The following ITGA11 variants were observed in gnomAD, a reference collection of about 807,000 sequenced individuals.
The protein encoded by ITGA11 is integrin subunit alpha 11.
ITGA11 carries 97 observed loss-of-function variants against 141.9 expected under a neutral mutation model. The observed-to-expected ratio is 0.68, with a 90% CI of 0.58 to 0.81. ITGA11 has a LOEUF of 0.81. Among genes scored for constraint, ITGA11 ranks in the 30% least tolerant of loss-of-function variants. The pLI, the probability that ITGA11 is intolerant of heterozygous loss-of-function variation, is 0.00. For synonymous variants in ITGA11, 658 were observed against 624.6 expected, an observed-to-expected ratio of 1.05 and a Z score of -0.80; for missense variants, 1,387 against 1,559.2, an observed-to-expected ratio of 0.89 and a Z score of 1.86.
chr15:68,332,296 T>G, intron 13 of ITGA11, 42 bp downstream of exon 13: 1 of 1,572,624 alleles, frequency 6.4e-7, no homozygotes, highest in Non-Finnish European at 8.6e-7. Context: ...AAGCAGAGGT[T>G]GGGGGCACCT....
Position 68,358,470 on chromosome 15 carries a change from T to C in ITGA11, c.588A>G (p.Pro196=). The C allele has an allele frequency of 6.2e-7, 1 of 1,611,034 alleles. No homozygotes were observed. The change falls in exon 6 of 30, where the codon CCA becomes CCG. Residue 196 remains proline, a synonymous_variant. Coordinates refer to ENST00000315757, the MANE Select transcript of ITGA11 (RefSeq NM_001004439.2). ...AAGAGATGCTCACCTGGATCTGCCC[T>C]GGGCCAATGTAAAACTTTTTCAGGA... ...INILKKFYIG[P]GQIQVGVVQY... is the part of the protein sequence containing the mutation.
intron 1 of ITGA11, among the ~76,000 whole-genome samples, chr15:68,428,760 C>T (rs1206446675): frequency 3.3e-5 from 5 of 152,140 alleles, no homozygotes; most frequent in Admixed American, 3.3e-4. Flanking sequence ...GACCCCTACC[C>T]ACAAGGGCCA....
chr15:68,339,506 A>G lies in ITGA11; in HGVS notation c.1270T>C (p.Tyr424His). 6.2e-7 allele frequency: 1 copy of G among 1,612,970 alleles called. No individual in the cohort carries two copies. The highest frequency in any genetic ancestry group is 2.2e-5 in the East Asian group (1 of 44,856). ...CCTCACTCTGCGCTCTTACCCAGGT[A>G]TGCACCATGGTTCTTGAGCTCCTCG... ...FPEELKNHGAYLGYTVTSVVS... is the reference protein window; with the variant it reads ...FPEELKNHGAHLGYTVTSVVS... Residue 424 changes from tyrosine to histidine, a missense_variant, in exon 11 of 30, where the codon TAC becomes CAC. Coordinates refer to ENST00000315757, the MANE Select transcript of ITGA11 (RefSeq NM_001004439.2).
chr15:68,430,560 A>C (rs2140449202), intron 1 of ITGA11, among the ~76,000 whole-genome samples: 1 of 152,232 alleles, frequency 6.6e-6, no homozygotes, highest in East Asian at 1.9e-4. Flanking sequence ...GCAGCCACCT[A>C]TCTGGAGTCA....
rs1317957947 is a variant in ITGA11 at position 68,311,415 on chromosome 15, G to C, written c.2974-12C>G. On this transcript the variant is annotated splice_polypyrimidine_tract_variant and intron_variant, in intron 24 of 29. Coordinates refer to ENST00000315757, the MANE Select transcript of ITGA11 (RefSeq NM_001004439.2). ...CCCAAGTTCTGGATCTGTGGCCAGA[G>C]ACAGGGAGGTGTCAGTACAGTCAGT... 7.2e-6 allele frequency: 11 copies of C among 1,521,992 alleles called. No individual in the cohort carries two copies. Among genetic ancestry groups the C allele is most frequent in the Non-Finnish European group, 9.8e-6 (11 of 1,118,888 alleles). The allele number at this position is 1,521,992 out of a possible 1,614,324, so 94.3% of individuals were successfully genotyped here.
chr15:68,369,104 G>A (rs1278920566), intron 3 of ITGA11, 80 bp downstream of exon 3: 2 of 959,366 alleles, frequency 2.1e-6, no homozygotes, highest in African/African-American at 1.6e-5. Flanking sequence ...GTGTGACCAT[G>A]GACATGGGCG....
chr15:68,335,877 C>T lies in ITGA11; in HGVS notation c.1277-32G>A, dbSNP rs372243406. ...CAGGAGGAAACAGGCTGATCTTTGG[C>T]ACCGTGTCCTCAGCAGGCGTTGCTT... On this transcript the variant is annotated intron_variant, in intron 11 of 29. Transcript: ENST00000315757. This position sits in a 1 kb window ranked among gnomAD's most constrained non-coding sequence, Gnocchi z 4.9. 1 of 1,602,850 alleles carries T rather than the reference C, an allele frequency of 6.2e-7. No individual in the cohort carries two copies. The highest frequency in any genetic ancestry group is 8.5e-7 in the Non-Finnish European group (1 of 1,174,438).
At chr15:68,414,956 T>C (rs986456263) in intron 1 of ITGA11, among the ~76,000 whole-genome samples, 1 of 152,210 alleles carries the variant, frequency 6.6e-6, no homozygotes, top group Admixed American at 6.5e-5. Context: ...TACCCTCCTG[T>C]GCTCTAGAGA....
intron 2 of ITGA11, among the ~76,000 whole-genome samples, chr15:68,387,751 G>T (rs1227276984): frequency 6.6e-6 from 1 of 152,096 alleles, no homozygotes; most frequent in Non-Finnish European, 1.5e-5. Context: ...GGCACTCCTG[G>T]CTGCTGCTTT....
At chr15:68,409,770 A>G (rs1451384772) in intron 1 of ITGA11, among the ~76,000 whole-genome samples, 3 of 152,168 alleles carry the variant, frequency 2.0e-5, no homozygotes, top group Non-Finnish European at 4.4e-5. Context: ...CAGTAAGTAT[A>G]TTATCATTCT....
chr15:68,356,995 C>A, intron 7 of ITGA11, 156 bp downstream of exon 7: 1 of 690,802 alleles, frequency 1.4e-6, no homozygotes. Flanking sequence ...AAGAGAAAAC[C>A]GACCAGCTGA....
chr15:68,390,263 C>A (rs1896084930), intron 2 of ITGA11, among the ~76,000 whole-genome samples: 1 of 152,114 alleles, frequency 6.6e-6, no homozygotes, highest in African/African-American at 2.4e-5. Flanking sequence ...ACTGCCCCAC[C>A]AGGTCTGCCC....
At chr15:68,364,333 C>T (rs1000935210) in intron 4 of ITGA11, among the ~76,000 whole-genome samples, 5 of 152,170 alleles carry the variant, frequency 3.3e-5, no homozygotes, top group Admixed American at 6.5e-5. Flanking sequence ...GAGATTTGAC[C>T]TCCAGCCCAG....
chr15:68,332,685 C>T lies in ITGA11; in HGVS notation c.1426-207G>A, dbSNP rs145570363. Among the ~76,000 whole-genome samples the T allele has an allele frequency of 1.1e-3, 170 of 152,300 alleles. 1 individual carries two copies. Among genetic ancestry groups the T allele is most frequent in the Middle Eastern group, 3.4e-3 (1 of 294 alleles). ...TTTTCAGTTTGCCCTTCTCCCCTTC[C>T]CTCTTTTCCTTCTGTCATTATCCCC... On this transcript the variant is annotated intron_variant, in intron 12 of 29. Coordinates refer to ENST00000315757, the MANE Select transcript of ITGA11 (RefSeq NM_001004439.2).
intron 10 of ITGA11, among the ~76,000 whole-genome samples, chr15:68,344,101 C>T (rs1379890774): frequency 1.3e-5 from 2 of 152,126 alleles, no homozygotes; most frequent in African/African-American, 2.4e-5. Context: ...GATATGGGGC[C>T]AGGCTTAGGA....
intron 20 of ITGA11, 21 bp from the exon 21 acceptor site, chr15:68,317,384 T>A: frequency 1.3e-6 from 2 of 1,547,544 alleles, no homozygotes; most frequent in African/African-American, 2.7e-5. Context: ...GTGGCAGACA[T>A]CATGGCAGCA....
At position 68,365,349 on chromosome 15, in the gene ITGA11, C is replaced by T. The variant is rs1048572659; in HGVS notation, c.266-551G>A. 5 of 986,644 alleles carry T rather than the reference C, an allele frequency of 5.1e-6. No individual in the cohort carries two copies. The African/African-American group carries it at 8.7e-5, about 17-fold the overall frequency. The allele number at this position is 986,644 out of a possible 1,614,324, so 61.1% of individuals were successfully genotyped here. A position where few individuals can be genotyped will look rare whatever the true frequency, so the allele number is the denominator to read the frequency against. ...GCCTTCCAGAGCTGCCAGGCCTTGC[C>T]CAGGAATGCCATTCTGAAGGAGGCT... is the stretch of plus-strand genomic sequence containing the variant. On this transcript the variant is annotated intron_variant, in intron 3 of 29. Transcript: ENST00000315757.
At position 68,299,634 on chromosome 15, in the gene ITGA11, G is replaced by A. The variant is rs999443569; in HGVS notation, c.*3425C>T. 1.3e-5 allele frequency: 2 copies of A among 152,184 alleles called. No homozygotes were observed. Among genetic ancestry groups the A allele is most frequent in the Non-Finnish European group, 2.9e-5 (2 of 68,048 alleles). The allele number at this position is 152,184 out of a possible 1,614,324, so 9.4% of individuals were successfully genotyped here. ...TGCAGTGAGTTGTTATGCCAGGAAA[G>A]GAGCACGATTAAGCCAGCGGTCTCC... On this transcript the variant is annotated 3_prime_UTR_variant, in exon 30 of 30. Transcript: ENST00000315757.
chr15:68,420,363 G>A (rs1896987190), intron 1 of ITGA11, among the ~76,000 whole-genome samples: 1 of 152,136 alleles, frequency 6.6e-6, no homozygotes, highest in South Asian at 2.1e-4. Context: ...TGAATAGCAT[G>A]GGGCCAGCTG....
Sources: gnomAD v4.1 joint callset for allele counts (sites outside exome capture counted in the v4.1 genomes callset) on GRCh38, gnomAD v4.1.1 for gene constraint, Gnocchi (gnomAD v3.1) non-coding constraint, MANE v1.5 for transcripts, NCBI Gene and HGNC (gene_info 2026-07-23, HGNC 2026-07-21) for gene names.